Variants in AK9 observed in about 807,000 individuals in gnomAD.
AK9 encodes adenylate kinase 9.
Under a neutral mutation model 239.6 loss-of-function variants are expected in AK9, and 191 were observed. The observed-to-expected ratio is 0.80, with a 90% CI of 0.71 to 0.90. The LOEUF is 0.90. Ranked by LOEUF, AK9 falls within the 40% of genes least tolerant of loss-of-function variation. AK9 has a pLI of 0.00. For missense variants in AK9, 1,995 were observed against 2,214.7 expected (o/e 0.90, Z 1.99); for synonymous variants, 689 against 721.0 (o/e 0.96, Z 0.71).
At chr6:109,582,596 A>G (rs1295208793) in intron 19 of AK9, among the ~76,000 whole-genome samples, 4 of 152,330 alleles carry the variant, frequency 2.6e-5, no homozygotes, top group South Asian at 4.2e-4. Context: ...ATGGATGAGA[A>G]AAGAAATTGG....
intron 8 of AK9, 92 bp downstream of exon 8, chr6:109,656,664 A>AT: frequency 7.4e-7 from 1 of 1,356,354 alleles, no homozygotes. Context: ...GACAGATAAT[A>AT]ACACATGGGG....
At chr6:109,531,341 T>C (rs984180253) in intron 28 of AK9, among the ~76,000 whole-genome samples, 3 of 152,002 alleles carry the variant, frequency 2.0e-5, no homozygotes, top group African/African-American at 4.8e-5. Context: ...TGAACTGAGA[T>C]AGAGTTATTG....
At chr6:109,495,889 G>A (rs1161713428) in intron 38 of AK9, among the ~76,000 whole-genome samples, 7 of 151,598 alleles carry the variant, frequency 4.6e-5, no homozygotes, top group Non-Finnish European at 1.0e-4. Context: ...TCTTACTACA[G>A]CACCTGCTTG....
chr6:109,589,710 C>T (rs775662088), intron 17 of AK9, among the ~76,000 whole-genome samples: 24 of 152,066 alleles, frequency 1.6e-4, no homozygotes, highest in Admixed American at 5.2e-4. Context: ...TTGTTATATA[C>T]GGCCTTTATT....
intron 13 of AK9, among the ~76,000 whole-genome samples, chr6:109,615,927 G>A (rs1031081312): frequency 5.5e-5 from 4 of 72,238 alleles, no homozygotes; most frequent in African/African-American, 2.0e-4. Flanking sequence ...ACAAACAAAA[G>A]TAAAAAAAAT....
chr6:109,518,522 T>C (rs1189600410), intron 29 of AK9, among the ~76,000 whole-genome samples: 2 of 151,984 alleles, frequency 1.3e-5, no homozygotes, highest in African/African-American at 4.8e-5. Context: ...TAAAAAGAAA[T>C]TCATTTTTAT....
At chr6:109,619,499 A>G (rs1353359827) in intron 12 of AK9, among the ~76,000 whole-genome samples, 1 of 152,122 alleles carries the variant, frequency 6.6e-6, no homozygotes, top group South Asian at 2.1e-4. Context: ...GATTATGTAT[A>G]TATTTTGACT....
chr6:109,624,626 T>C (rs1449476006), intron 12 of AK9, among the ~76,000 whole-genome samples: 1 of 152,196 alleles, frequency 6.6e-6, no homozygotes, highest in Non-Finnish European at 1.5e-5. Context: ...AGGCTCATTT[T>C]ACAGAAGCTT....
intron 24 of AK9, among the ~76,000 whole-genome samples, chr6:109,554,945 A>T (rs1784813562): frequency 6.6e-6 from 1 of 152,044 alleles, no homozygotes; most frequent in African/African-American, 2.4e-5. Context: ...TGTTTTGTTA[A>T]TTTTTTAAAA....
chr6:109,666,799 A>T (rs1437440532), intron 5 of AK9, among the ~76,000 whole-genome samples: 4 of 152,240 alleles, frequency 2.6e-5, no homozygotes, highest in African/African-American at 7.2e-5. Flanking sequence ...GGCCAGGCTG[A>T]TGTAGCCTTG....
chr6:109,647,091 C>G (rs1205172345), intron 8 of AK9, among the ~76,000 whole-genome samples: 2 of 152,166 alleles, frequency 1.3e-5, no homozygotes, highest in African/African-American at 2.4e-5. Context: ...TGAGGAAACA[C>G]TAAGCATGGA....
At chr6:109,543,117 C>T (rs1182075138) in intron 26 of AK9, among the ~76,000 whole-genome samples, 1 of 152,070 alleles carries the variant, frequency 6.6e-6, no homozygotes, top group Admixed American at 6.6e-5. Flanking sequence ...AAATAGAAAG[C>T]ATTGTGATAA....
At chr6:109,657,650 T>C (rs1799882703) in intron 7 of AK9, among the ~76,000 whole-genome samples, 1 of 152,006 alleles carries the variant, frequency 6.6e-6, no homozygotes, top group Non-Finnish European at 1.5e-5. Flanking sequence ...GCTTCACCCA[T>C]TAACTCGTCA....
chr6:109,584,767 CTTCCTATGATG>C (rs1302393745), intron 19 of AK9, among the ~76,000 whole-genome samples: 1 of 152,084 alleles, frequency 6.6e-6, no homozygotes, highest in East Asian at 1.9e-4. Context: ...TTTTCATCTG[CTTCCTATGATG>C]TTGTTTCTTC....
chr6:109,509,342 A>C lies in AK9; in HGVS notation c.4318T>G (p.Leu1440Val). The C allele has an allele frequency of 1.3e-6, 2 of 1,551,566 alleles. No individual in the cohort carries two copies. Among genetic ancestry groups the C allele is most frequent in the Non-Finnish European group, 1.7e-6 (2 of 1,146,962 alleles). The change falls in exon 33 of 41, where the codon TTA (leucine) becomes GTA (valine). Residue 1440 changes from leucine (L) to valine (V), a missense_variant. Physicochemically the swap from Leu to Val is conservative, Grantham distance 32 (BLOSUM62 1). Coordinates refer to ENST00000424296, the MANE Select transcript of AK9 (RefSeq NM_001145128.3). ...TAACGCAAAGCTCCTCCTATTGATAAATGCTTTAACCCATATTCACTTGTA... is the reference window on the plus strand; with the variant it reads ...TAACGCAAAGCTCCTCCTATTGATACATGCTTTAACCCATATTCACTTGTA... Reference protein sequence around the residue: ...KITSEYGLKHLSIGGALRYVL... With the variant: ...KITSEYGLKHVSIGGALRYVL...
chr6:109,592,322 T>C (rs987567681), intron 17 of AK9, among the ~76,000 whole-genome samples: 1 of 152,114 alleles, frequency 6.6e-6, no homozygotes, highest in Non-Finnish European at 1.5e-5. Context: ...CAGCTGCAAT[T>C]GCCACCAGTG....
chr6:109,689,514 A>G (rs1774015891), intron 1 of AK9, among the ~76,000 whole-genome samples: 1 of 152,216 alleles, frequency 6.6e-6, no homozygotes, highest in African/African-American at 2.4e-5. Context: ...GCTTCATCCA[A>G]TAACTGATGG....
At chr6:109,531,123 G>A (rs902967659) in intron 28 of AK9, among the ~76,000 whole-genome samples, 1 of 152,200 alleles carries the variant, frequency 6.6e-6, no homozygotes, top group Non-Finnish European at 1.5e-5. Context: ...TGCAGAGAAG[G>A]GTTTGTATTT....
chr6:109,573,766 T>C (rs1787720930), intron 20 of AK9, among the ~76,000 whole-genome samples, 172 bp from the exon 21 acceptor site: 1 of 152,188 alleles, frequency 6.6e-6, no homozygotes, highest in African/African-American at 2.4e-5. Context: ...GCTATTCACA[T>C]GTAGTGGTAA....
Sources: gnomAD v4.1 joint callset for allele counts (sites outside exome capture counted in the v4.1 genomes callset) on GRCh38, gnomAD v4.1.1 for gene constraint, MANE v1.5 for transcripts, NCBI Gene and HGNC (gene_info 2026-07-23, HGNC 2026-07-21) for gene names.